Variants in DLG2 observed in about 807,000 individuals in gnomAD.
DLG2 encodes the protein discs large MAGUK scaffold protein 2.
Under a neutral mutation model 132.5 loss-of-function variants are expected in DLG2, and 45 were observed. The ratio of observed to expected loss-of-function variants is 0.34; its 90% CI spans 0.27 to 0.44. The LOEUF is 0.44. DLG2 is among the 20% of genes least tolerant of loss of function. The probability of loss-of-function intolerance (pLI) is 1.00; values close to 1 mark genes in which losing one functional copy is unlikely to be tolerated. For missense variants in DLG2, 1,045 were observed against 1,196.9 expected (o/e 0.87, Z 1.87); for synonymous variants, 424 against 419.6 (o/e 1.01, Z -0.13).
chr11:84,277,783 TTGA>T (rs1375080571), intron 7 of DLG2, among the ~76,000 whole-genome samples: 1 of 152,084 alleles, frequency 6.6e-6, no homozygotes, highest in African/African-American at 2.4e-5. Flanking sequence ...ATCAATAAAA[TTGA>T]TGACACTCTA....
At chr11:83,504,208 ACTT>A (rs765537710) in intron 21 of DLG2, among the ~76,000 whole-genome samples, 1 of 152,160 alleles carries the variant, frequency 6.6e-6, no homozygotes, top group Non-Finnish European at 1.5e-5. Flanking sequence ...GGTATTGATG[ACTT>A]CTTCTACTAC....
intron 11 of DLG2, among the ~76,000 whole-genome samples, chr11:84,052,209 C>G (rs536534225): frequency 6.6e-6 from 1 of 151,634 alleles, no homozygotes; most frequent in Non-Finnish European, 1.5e-5. Flanking sequence ...CTGTTAGAAA[C>G]AAATTTATAT....
chr11:84,304,670 T>G (rs2098195717), intron 7 of DLG2, among the ~76,000 whole-genome samples: 1 of 152,176 alleles, frequency 6.6e-6, no homozygotes, highest in Non-Finnish European at 1.5e-5. Context: ...CTAATAAAAT[T>G]TATTTATAGA....
intron 2 of DLG2, among the ~76,000 whole-genome samples, chr11:85,601,876 A>C (rs1240499592): frequency 6.6e-6 from 1 of 152,194 alleles, no homozygotes; most frequent in East Asian, 1.9e-4. Context: ...AGACTTCTTT[A>C]ATCTTACTCC....
At chr11:85,024,587 CT>C (rs1169689007) in intron 6 of DLG2, among the ~76,000 whole-genome samples, 2 of 152,160 alleles carry the variant, frequency 1.3e-5, no homozygotes. Flanking sequence ...TGCATGTTGT[CT>C]ATATAGCCAC....
At chr11:83,551,272 C>A (rs1286409349) in intron 19 of DLG2, among the ~76,000 whole-genome samples, 8 of 152,042 alleles carry the variant, frequency 5.3e-5, no homozygotes, top group South Asian at 2.1e-4. Context: ...AAATTCTATA[C>A]CCTGGTTCTA....
At chr11:85,035,863 C>T (rs561678653) in intron 6 of DLG2, among the ~76,000 whole-genome samples, 21 of 152,226 alleles carry the variant, frequency 1.4e-4, no homozygotes, top group African/African-American at 3.6e-4. Flanking sequence ...CCCACCCATC[C>T]GTCATGCATA....
At chr11:84,847,056 A>T (rs913745233) in intron 6 of DLG2, among the ~76,000 whole-genome samples, 1 of 152,136 alleles carries the variant, frequency 6.6e-6, no homozygotes, top group Non-Finnish European at 1.5e-5. Flanking sequence ...AGCCTACTTA[A>T]CTCACAGAAA....
intron 6 of DLG2, among the ~76,000 whole-genome samples, chr11:85,109,036 C>G (rs1427625294): frequency 3.6e-5 from 5 of 138,928 alleles, no homozygotes; most frequent in African/African-American, 1.1e-4. Flanking sequence ...TGGTATATCT[C>G]CAGTACAAAT....
chr11:84,431,698 A>C (rs2098985188), intron 7 of DLG2, among the ~76,000 whole-genome samples: 1 of 152,142 alleles, frequency 6.6e-6, no homozygotes, highest in African/African-American at 2.4e-5. Flanking sequence ...CAGATAAATA[A>C]AAATAATTTG....
chr11:84,091,428 G>A lies in DLG2; in HGVS notation c.749+7495C>T, dbSNP rs11828208. Among the ~76,000 whole-genome samples, 1,381 of 152,188 alleles carry A rather than the reference G, an allele frequency of 9.1e-3. 18 individuals are homozygous for A. Among genetic ancestry groups the A allele is most frequent in the African/African-American group, 0.032 (1,313 of 41,506 alleles). ...AGGGACTAGATTCCTCCCTTTTACT[G>A]GCGTGGGTCCACCTCTTGCTTTTGA... On this transcript the variant is annotated intron_variant, in intron 10 of 27. Transcript: ENST00000376104.
At chr11:85,047,897 T>C (rs940483696) in intron 6 of DLG2, among the ~76,000 whole-genome samples, 7 of 151,882 alleles carry the variant, frequency 4.6e-5, no homozygotes, top group African/African-American at 1.4e-4. Flanking sequence ...TGATCATTAG[T>C]AGGTAAAAAT....
intron 3 of DLG2, among the ~76,000 whole-genome samples, chr11:85,355,536 T>C (rs1263091599): frequency 6.6e-6 from 1 of 152,174 alleles, no homozygotes; most frequent in East Asian, 1.9e-4. Flanking sequence ...CTTTAAATTA[T>C]ACTAGGTTTC....
chr11:84,637,033 C>T (rs1367653585), intron 6 of DLG2, among the ~76,000 whole-genome samples: 1 of 151,970 alleles, frequency 6.6e-6, no homozygotes, highest in Non-Finnish European at 1.5e-5. Flanking sequence ...GATGATCTGC[C>T]CATGTCGGCC....
At chr11:84,799,400 T>C (rs192112738) in intron 6 of DLG2, among the ~76,000 whole-genome samples, 8 of 152,104 alleles carry the variant, frequency 5.3e-5, no homozygotes, top group African/African-American at 1.9e-4. Flanking sequence ...CTGCCGGAGG[T>C]TGGAAGAGGG....
chr11:84,401,948 A>G (rs1309549446), intron 7 of DLG2, among the ~76,000 whole-genome samples: 2 of 152,210 alleles, frequency 1.3e-5, no homozygotes, highest in Non-Finnish European at 2.9e-5. Flanking sequence ...TAAAGTATAG[A>G]AACTGATATG....
chr11:84,079,985 T>C (rs2096880856), intron 10 of DLG2, among the ~76,000 whole-genome samples: 2 of 152,220 alleles, frequency 1.3e-5, no homozygotes, highest in African/African-American at 4.8e-5. Flanking sequence ...TATCTTAGGC[T>C]AGATTAGGTC....
intron 3 of DLG2, among the ~76,000 whole-genome samples, chr11:85,367,350 C>T (rs2084637587): frequency 6.6e-6 from 1 of 152,092 alleles, no homozygotes; most frequent in Admixed American, 6.6e-5. Context: ...TAAACTTTCT[C>T]TACCTAACTT....
intron 10 of DLG2, among the ~76,000 whole-genome samples, chr11:84,060,173 C>A (rs1206305159): frequency 6.6e-6 from 1 of 151,898 alleles, no homozygotes; most frequent in Non-Finnish European, 1.5e-5. Context: ...ATTAGCTGGG[C>A]ATGGTGGTGT....
Sources: allele counts gnomAD v4.1 joint callset (sites outside exome capture counted in the v4.1 genomes callset), GRCh38; gene constraint gnomAD v4.1.1; transcripts MANE v1.5; gene names NCBI Gene and HGNC (gene_info 2026-07-23, HGNC 2026-07-21).